The following LUZP2 variants were observed in gnomAD, a reference collection of about 807,000 sequenced individuals.
LUZP2 encodes the protein leucine zipper protein 2.
Under a neutral mutation model 51.6 loss-of-function variants are expected in LUZP2, and 52 were observed. That is an observed-to-expected ratio of 1.01 (90% CI 0.81 to 1.27). LUZP2 has a LOEUF of 1.27. Ranked by LOEUF, LUZP2 falls within the 50% of genes most tolerant of loss-of-function variation. The probability of loss-of-function intolerance (pLI) is 0.00; values close to 1 mark genes in which losing one functional copy is unlikely to be tolerated. For synonymous variants in LUZP2, 154 were observed against 137.3 expected (o/e 1.12, Z -0.85); for missense variants, 436 against 395.4 (o/e 1.10, Z -0.87).
intron 4 of LUZP2, among the ~76,000 whole-genome samples, chr11:24,747,432 C>G (rs1454004862): frequency 1.3e-5 from 2 of 152,066 alleles, no homozygotes; most frequent in Non-Finnish European, 2.9e-5. Context: ...GATACCAGCA[C>G]CTGTTCTGGT....
rs1859384509 is a variant in LUZP2, at chr11:25,078,544, T to C, written c.937-10T>C. 1 of 1,596,592 alleles carries C rather than the reference T, an allele frequency of 6.3e-7. No homozygotes were observed. Among genetic ancestry groups the C allele is most frequent in the Non-Finnish European group, 8.6e-7 (1 of 1,167,874 alleles). On this transcript the variant is annotated splice_polypyrimidine_tract_variant and intron_variant, in intron 11 of 11. Transcript: ENST00000336930. Reference sequence around the variant, plus strand: ...ATTCTTCGAATTGTCTTTTCTGTATTGTTTAACAGAAATTGCAAATGCCTC... The same window carrying C: ...ATTCTTCGAATTGTCTTTTCTGTATCGTTTAACAGAAATTGCAAATGCCTC...
intron 1 of LUZP2, among the ~76,000 whole-genome samples, chr11:24,689,427 G>C (rs567244823): frequency 6.6e-6 from 1 of 152,146 alleles, no homozygotes; most frequent in African/African-American, 2.4e-5. Flanking sequence ...CTCTTAGTGC[G>C]TATGCTTGAG....
chr11:24,541,981 C>A (rs575775240), intron 1 of LUZP2, among the ~76,000 whole-genome samples: 14 of 151,506 alleles, frequency 9.2e-5, no homozygotes, highest in Admixed American at 2.0e-4. Flanking sequence ...ATTTCTGAGA[C>A]AGAATGGATT....
chr11:24,987,039 T>C (rs1856207750), intron 9 of LUZP2, among the ~76,000 whole-genome samples: 1 of 151,830 alleles, frequency 6.6e-6, no homozygotes, highest in African/African-American at 2.4e-5. Context: ...TCGTGTCTAT[T>C]AAACGGAGAT....
At chr11:24,868,899 A>G (rs1453323492) in intron 5 of LUZP2, among the ~76,000 whole-genome samples, 2 of 152,194 alleles carry the variant, frequency 1.3e-5, no homozygotes, top group Non-Finnish European at 1.5e-5. Context: ...GCTTCTTCCT[A>G]TATGTAACCA....
intron 1 of LUZP2, among the ~76,000 whole-genome samples, chr11:24,498,284 T>C (rs1037234274): frequency 4.6e-5 from 7 of 152,194 alleles, no homozygotes; most frequent in African/African-American, 1.7e-4. Flanking sequence ...GAAACATTAT[T>C]TGATTGTGCA....
intron 4 of LUZP2, among the ~76,000 whole-genome samples, chr11:24,756,027 C>T (rs898939208): frequency 1.1e-4 from 16 of 152,028 alleles, no homozygotes; most frequent in African/African-American, 3.1e-4. Context: ...GCTTCTGTGG[C>T]GGCTTCATCT....
intron 6 of LUZP2, among the ~76,000 whole-genome samples, chr11:24,907,847 C>T (rs977042398): frequency 7.2e-5 from 11 of 151,898 alleles, no homozygotes; most frequent in African/African-American, 2.7e-4. Context: ...ATATATTATC[C>T]CTGAATTGTT....
At chr11:24,967,399 G>T (rs1398076571) in intron 7 of LUZP2, among the ~76,000 whole-genome samples, 1 of 151,628 alleles carries the variant, frequency 6.6e-6, no homozygotes, top group African/African-American at 2.4e-5. Flanking sequence ...GTAATGTTTT[G>T]TAATTTTCAA....
At chr11:24,718,731 G>A (rs1190733078) in intron 1 of LUZP2, among the ~76,000 whole-genome samples, 1 of 152,094 alleles carries the variant, frequency 6.6e-6, no homozygotes, top group Non-Finnish European at 1.5e-5. Flanking sequence ...AAAAAGAGAT[G>A]GAGAATACAG....
At chr11:24,960,605 T>A (rs1383175140) in intron 7 of LUZP2, among the ~76,000 whole-genome samples, 1 of 152,102 alleles carries the variant, frequency 6.6e-6, no homozygotes, top group Non-Finnish European at 1.5e-5. Context: ...CCCTTTATCA[T>A]TTTTTATTGT....
intron 5 of LUZP2, among the ~76,000 whole-genome samples, chr11:24,827,398 TA>T: frequency 6.6e-6 from 1 of 152,334 alleles, no homozygotes; most frequent in East Asian, 1.9e-4. Flanking sequence ...AAATATTTTT[TA>T]TTATTAATTT....
chr11:24,692,628 T>C (rs1170035597), intron 1 of LUZP2, among the ~76,000 whole-genome samples: 2 of 152,040 alleles, frequency 1.3e-5, no homozygotes, highest in Non-Finnish European at 2.9e-5. Context: ...CAGCCCAGTT[T>C]CTTCATCATA....
chr11:24,532,226 T>C (rs1043100900), intron 1 of LUZP2, among the ~76,000 whole-genome samples: 1 of 151,032 alleles, frequency 6.6e-6, no homozygotes, highest in South Asian at 2.1e-4. Flanking sequence ...ATTAACACTT[T>C]AGAACTTCAA....
chr11:24,824,003 C>A (rs913756576), intron 5 of LUZP2, among the ~76,000 whole-genome samples: 2 of 151,522 alleles, frequency 1.3e-5, no homozygotes, highest in Non-Finnish European at 1.5e-5. Flanking sequence ...GCAGAGGTTG[C>A]AGTGAGCCAA....
At chr11:24,700,448 C>T (rs1414525185) in intron 1 of LUZP2, among the ~76,000 whole-genome samples, 1 of 152,188 alleles carries the variant, frequency 6.6e-6, no homozygotes, top group Non-Finnish European at 1.5e-5. Context: ...AAATCAATCA[C>T]ACCCAATACT....
chr11:24,667,987 A>T (rs1856272906), intron 1 of LUZP2, among the ~76,000 whole-genome samples: 1 of 152,238 alleles, frequency 6.6e-6, no homozygotes, highest in African/African-American at 2.4e-5. Flanking sequence ...ACTATAAAGC[A>T]GTAAAACTGG....
chr11:24,690,653 G>A (rs1590352328), intron 1 of LUZP2, among the ~76,000 whole-genome samples: 1 of 151,682 alleles, frequency 6.6e-6, no homozygotes, highest in Admixed American at 6.6e-5. Flanking sequence ...AAGAAGTTGA[G>A]TTGAGGCTAT....
chr11:24,857,563 C>CT (rs200241186), intron 5 of LUZP2, among the ~76,000 whole-genome samples: 90,463 of 145,640 alleles, frequency 0.62, 28,530 homozygotes, highest in Middle Eastern at 0.72. Context: ...CAAAATAGGT[C>CT]TTTTTTTTTT....
Sources: gnomAD v4.1 joint callset for allele counts (sites outside exome capture counted in the v4.1 genomes callset) on GRCh38, gnomAD v4.1.1 for gene constraint, MANE v1.5 for transcripts, NCBI Gene and HGNC (gene_info 2026-07-23, HGNC 2026-07-21) for gene names.